The following PPFIBP2 variants were observed in gnomAD, a reference collection of about 807,000 sequenced individuals.
PPFIBP2 encodes the protein PPFIB scaffold protein 2.
A neutral mutation model predicts 118.3 loss-of-function variants in PPFIBP2; 118 were observed. That is an observed-to-expected ratio of 1.00 (90% CI 0.86 to 1.16). The LOEUF is 1.16. PPFIBP2 is among the 50% of genes most tolerant of loss of function. The pLI is 0.00. For synonymous variants in PPFIBP2, 414 were observed against 397.4 expected (o/e 1.04, Z -0.50); for missense variants, 1,195 against 1,073.1 (o/e 1.11, Z -1.59).
At chr11:7,627,030 G>C (rs540814837) in intron 8 of PPFIBP2, among the ~76,000 whole-genome samples, 42 of 152,206 alleles carry the variant, frequency 2.8e-4, no homozygotes, top group Middle Eastern at 3.2e-3. Context: ...AGACACCCTG[G>C]ACTATCTCTG....
At chr11:7,656,425 A>T (rs1854694205), downstream of PPFIBP2, among the ~76,000 whole-genome samples, 3 of 152,102 alleles carry the variant, frequency 2.0e-5, no homozygotes, top group African/African-American at 7.2e-5. Flanking sequence ...GATCAGTTTT[A>T]CTCAACGTTT....
intron 14 of PPFIBP2, among the ~76,000 whole-genome samples, chr11:7,639,236 G>T (rs1851819349): frequency 6.6e-6 from 1 of 152,172 alleles, no homozygotes; most frequent in Non-Finnish European, 1.5e-5. Context: ...CCACAGGAAA[G>T]CAAATCTGGG....
intron 1 of PPFIBP2, among the ~76,000 whole-genome samples, chr11:7,521,302 A>G (rs1460674356): frequency 1.3e-5 from 2 of 152,208 alleles, no homozygotes; most frequent in African/African-American, 4.8e-5. Context: ...CACAGAAGGA[A>G]TAGGACTGTC....
intron 17 of PPFIBP2, among the ~76,000 whole-genome samples, chr11:7,645,730 G>A (rs1401219846): frequency 6.6e-6 from 1 of 152,138 alleles, no homozygotes; most frequent in Non-Finnish European, 1.5e-5. Context: ...AGAGCTCTAG[G>A]TGGTTTTGAA....
Position 7,634,501 on chromosome 11 carries a change from G to A in PPFIBP2, c.1143G>A (p.Gln381=). ...TCTTTTGTGTTTTTTTCAGGGCTCA[G>A]AAAAAGCTCTCTTGTAGTCTAGAAG... The part of the protein sequence containing the change: ...LPQKSLETRA[Q]KKLSCSLEDL... The change falls in exon 13 of 24, where the codon CAG becomes CAA. Residue 381 remains glutamine, a synonymous_variant. Coordinates refer to ENST00000299492, the MANE Select transcript of PPFIBP2 (RefSeq NM_003621.5). The A allele has an allele frequency of 6.2e-7, 1 of 1,612,236 alleles. No homozygotes were observed. Among genetic ancestry groups the A allele is most frequent in the Non-Finnish European group, 8.5e-7 (1 of 1,178,318 alleles).
intron 3 of PPFIBP2, among the ~76,000 whole-genome samples, chr11:7,580,028 C>T (rs980135275): frequency 1.3e-5 from 2 of 152,006 alleles, no homozygotes; most frequent in Non-Finnish European, 2.9e-5. Flanking sequence ...CACCCTTAAT[C>T]TGGAAGAAAA....
intron 1 of PPFIBP2, among the ~76,000 whole-genome samples, chr11:7,546,574 C>T (rs1439489693): frequency 2.0e-5 from 3 of 152,202 alleles, no homozygotes; most frequent in Non-Finnish European, 4.4e-5. Context: ...GGCATCCAGG[C>T]CCCTGATGCT....
Position 7,630,933 on chromosome 11 carries a change from G to A in PPFIBP2, c.973G>A (p.Glu325Lys). ...EIVMVTQGPS[E>K]RTLSINEEEP... ...TACCTTAATGCTTGCAGGGCCTTCG[G>A]AGAGAACTCTCTCAATCAATGAAGA... The change falls in exon 11 of 24, where the codon GAG (glutamate) becomes AAG (lysine). Residue 325 changes from glutamate to lysine, a missense_variant. Transcript: ENST00000299492. 6.2e-7 allele frequency: 1 copy of A among 1,613,838 alleles called. No homozygotes were observed.
intron 3 of PPFIBP2, among the ~76,000 whole-genome samples, chr11:7,589,783 G>C (rs887675565): frequency 6.6e-6 from 1 of 152,166 alleles, no homozygotes; most frequent in Non-Finnish European, 1.5e-5. Flanking sequence ...AGACTTTTCA[G>C]AGACACCTCA....
chr11:7,607,492 G>A (rs1486264450), intron 5 of PPFIBP2, among the ~76,000 whole-genome samples: 1 of 152,132 alleles, frequency 6.6e-6, no homozygotes. Flanking sequence ...AAAGTGCTAG[G>A]CATGAGCCAC....
intron 1 of PPFIBP2, among the ~76,000 whole-genome samples, chr11:7,535,608 G>T (rs1851132544): frequency 6.6e-6 from 1 of 152,196 alleles, no homozygotes; most frequent in Non-Finnish European, 1.5e-5. Context: ...TAAGAACTTA[G>T]CTCAGTGTAG....
the PPFIBP2 span, among the ~76,000 whole-genome samples, chr11:7,663,780 C>A: frequency 6.6e-6 from 1 of 152,082 alleles, no homozygotes; most frequent in Non-Finnish European, 1.5e-5. Flanking sequence ...TCTCAGACTG[C>A]TGTGCTAGCA....
the PPFIBP2 span, among the ~76,000 whole-genome samples, chr11:7,663,434 G>T: frequency 6.6e-6 from 1 of 151,990 alleles, no homozygotes. Flanking sequence ...GCCCCTGCTG[G>T]GGGGTGCCTC....
At chr11:7,571,852 G>GT (rs1855688005) in intron 3 of PPFIBP2, 1 of 152,210 alleles carries the variant, frequency 6.6e-6, no homozygotes, top group African/African-American at 2.4e-5. Context: ...AAGCCACTAG[G>GT]TGGGAGTCAG....
chr11:7,595,215 G>C (rs1369552925), intron 4 of PPFIBP2, among the ~76,000 whole-genome samples: 2 of 152,158 alleles, frequency 1.3e-5, no homozygotes, highest in Admixed American at 1.3e-4. Context: ...GCTCAAAAGG[G>C]TGGTGCGAGC....
intron 18 of PPFIBP2, 83 bp downstream of exon 18, chr11:7,648,620 TAC>T (rs2135987424): frequency 6.4e-7 from 1 of 1,553,196 alleles, no homozygotes. Context: ...CTGTCACACA[TAC>T]ACACAGGAGG....
intron 3 of PPFIBP2, among the ~76,000 whole-genome samples, chr11:7,570,637 G>C (rs547209734): frequency 6.6e-6 from 1 of 152,308 alleles, no homozygotes; most frequent in East Asian, 1.9e-4. Flanking sequence ...GGGGTACATG[G>C]AGTAGGCTTG....
chr11:7,649,627 C>G lies in PPFIBP2; in HGVS notation c.2094C>G (p.His698Gln), dbSNP rs373056519. ...HVLHVNKFNP[H>Q]CLHRRPADES... ...TGCATGTCAACAAGTTCAACCCCCA[C>G]TGCCTGCACCGGCGGCCAGCTGATG... The change falls in exon 21 of 24, where the codon CAC becomes CAG. Residue 698 changes from histidine (H) to glutamine (Q), a missense_variant. His to Gln is a conservative substitution (Grantham distance 24). Transcript: ENST00000299492. 5.6e-6 allele frequency: 9 copies of G among 1,614,274 alleles called. No homozygotes were observed. Among genetic ancestry groups the G allele is most frequent in the East Asian group, 2.2e-5 (1 of 44,890 alleles).
intron 7 of PPFIBP2, among the ~76,000 whole-genome samples, chr11:7,624,839 T>C (rs914409136): frequency 2.0e-5 from 3 of 152,246 alleles, no homozygotes; most frequent in Non-Finnish European, 4.4e-5. Flanking sequence ...GTTTTTCCCA[T>C]TTTATAGATG....
Sources: gnomAD v4.1 joint callset for allele counts (sites outside exome capture counted in the v4.1 genomes callset) on GRCh38, gnomAD v4.1.1 for gene constraint, MANE v1.5 for transcripts, NCBI Gene and HGNC (gene_info 2026-07-23, HGNC 2026-07-21) for gene names.